The following FHIT variants were observed in gnomAD, a reference collection of about 807,000 sequenced individuals.
FHIT encodes the protein fragile histidine triad diadenosine triphosphatase.
In FHIT, 19 loss-of-function variants were observed where a neutral mutation model predicts 17.9. The observed-to-expected ratio is 1.06, with a 90% confidence interval of 0.74 to 1.56. The LOEUF is 1.56. Among genes scored for constraint, FHIT ranks in the 40% most tolerant of loss-of-function variants. The pLI, the probability that FHIT is intolerant of heterozygous loss-of-function variation, is 0.00. For synonymous variants in FHIT, 81 were observed against 69.7 expected (o/e 1.16, Z -0.81); for missense variants, 248 against 189.2 (o/e 1.31, Z -1.82).
At chr3:60,795,318 T>A (rs1246371651) in intron 4 of FHIT, among the ~76,000 whole-genome samples, 2 of 152,240 alleles carry the variant, frequency 1.3e-5, no homozygotes, top group Non-Finnish European at 2.9e-5. Flanking sequence ...CTTTTTAAGA[T>A]CTTTGATAAC....
intron 5 of FHIT, among the ~76,000 whole-genome samples, chr3:60,520,518 A>G (rs1038932156): frequency 3.9e-5 from 6 of 152,212 alleles, no homozygotes; most frequent in African/African-American, 1.2e-4. Context: ...TCTCGTCTAG[A>G]GAGCATGTCA....
At chr3:60,221,073 C>T (rs1450818633) in intron 5 of FHIT, among the ~76,000 whole-genome samples, 1 of 152,118 alleles carries the variant, frequency 6.6e-6, no homozygotes, top group Non-Finnish European at 1.5e-5. Context: ...AAGCATTTAG[C>T]TAGTCTCATT....
chr3:61,070,502 C>T (rs529299575), intron 2 of FHIT, among the ~76,000 whole-genome samples: 1 of 152,170 alleles, frequency 6.6e-6, no homozygotes. Context: ...TGGAAATTTG[C>T]AGATCTTGGC....
intron 5 of FHIT, among the ~76,000 whole-genome samples, chr3:60,183,983 ATTAAT>A (rs1485525611): frequency 1.6e-5 from 2 of 128,334 alleles, no homozygotes; most frequent in Admixed American, 1.8e-4. Context: ...TATTATTTAT[ATTAAT>A]TTATTTTTCG....
intron 4 of FHIT, among the ~76,000 whole-genome samples, chr3:60,691,332 AGAAATTATCAAT>A (rs1553699522): frequency 6.6e-6 from 1 of 151,292 alleles, no homozygotes; most frequent in Non-Finnish European, 1.5e-5. Flanking sequence ...TCATTTCAAC[AGAAATTATCAAT>A]TTTTTTCCCC....
chr3:60,941,025 T>A (rs1575726606), intron 3 of FHIT, among the ~76,000 whole-genome samples: 1 of 152,318 alleles, frequency 6.6e-6, no homozygotes, highest in East Asian at 1.9e-4. Flanking sequence ...TTAATTTTAA[T>A]AATATTTTAT....
chr3:60,740,548 A>C (rs1430121559), intron 4 of FHIT, among the ~76,000 whole-genome samples: 8 of 152,220 alleles, frequency 5.3e-5, no homozygotes, highest in Non-Finnish European at 1.2e-4. Flanking sequence ...AGTAAAATAC[A>C]TGTAATATAA....
chr3:60,433,859 C>T (rs2029964149), intron 5 of FHIT, among the ~76,000 whole-genome samples: 1 of 151,808 alleles, frequency 6.6e-6, no homozygotes, highest in Non-Finnish European at 1.5e-5. Flanking sequence ...TTCTCCTATT[C>T]CATAGGTGGC....
chr3:59,753,801 G>C (rs1372441964), intron 8 of FHIT, among the ~76,000 whole-genome samples: 2 of 151,972 alleles, frequency 1.3e-5, no homozygotes, highest in African/African-American at 4.8e-5. Flanking sequence ...TTCATACCCC[G>C]GTCCAAAGAT....
chr3:60,305,502 T>C (rs1363119663), intron 5 of FHIT, among the ~76,000 whole-genome samples: 1 of 152,136 alleles, frequency 6.6e-6, no homozygotes, highest in Non-Finnish European at 1.5e-5. Context: ...TAATATCTAC[T>C]CTCGGCTGTT....
chr3:61,132,507 A>G (rs1342890615), intron 2 of FHIT, among the ~76,000 whole-genome samples: 1 of 152,232 alleles, frequency 6.6e-6, no homozygotes, highest in Non-Finnish European at 1.5e-5. Flanking sequence ...GAGCTCTATG[A>G]GAGAAACATA....
chr3:60,298,356 G>A (rs1013704095), intron 5 of FHIT, among the ~76,000 whole-genome samples: 1 of 151,838 alleles, frequency 6.6e-6, no homozygotes, highest in African/African-American at 2.4e-5. Context: ...GCTATCTAGG[G>A]GCCCCAGCCA....
chr3:59,943,865 C>A (rs1231584781), intron 7 of FHIT, among the ~76,000 whole-genome samples: 1 of 152,198 alleles, frequency 6.6e-6, no homozygotes, highest in Non-Finnish European at 1.5e-5. Flanking sequence ...CCTCATCACA[C>A]CACTGACTGC....
chr3:60,744,852 A>G (rs1553714940), intron 4 of FHIT, among the ~76,000 whole-genome samples: 1 of 152,204 alleles, frequency 6.6e-6, no homozygotes, highest in African/African-American at 2.4e-5. Flanking sequence ...TATTTGGCCA[A>G]TCATGTAATC....
intron 5 of FHIT, among the ~76,000 whole-genome samples, chr3:60,506,234 T>C (rs1428651846): frequency 2.0e-5 from 3 of 152,194 alleles, no homozygotes; most frequent in Non-Finnish European, 4.4e-5. Flanking sequence ...ATGGTTGATG[T>C]CTATTTTTCA....
chr3:60,860,718 TCAG>T (rs1559780098), intron 3 of FHIT, among the ~76,000 whole-genome samples: 1 of 108,912 alleles, frequency 9.2e-6, no homozygotes, highest in Non-Finnish European at 2.0e-5. Context: ...TACATATATA[TCAG>T]GTATATATGT....
intron 5 of FHIT, among the ~76,000 whole-genome samples, chr3:60,138,538 A>G (rs1699909661): frequency 6.6e-6 from 1 of 152,156 alleles, no homozygotes; most frequent in South Asian, 2.1e-4. Flanking sequence ...AGCAAGTTCC[A>G]CATGCTATGC....
At chr3:60,399,940 C>G (rs1430950753) in intron 5 of FHIT, among the ~76,000 whole-genome samples, 1 of 152,142 alleles carries the variant, frequency 6.6e-6, no homozygotes, top group Non-Finnish European at 1.5e-5. Flanking sequence ...CTTCTGAATT[C>G]AGAGTATCCT....
In FHIT at chr3:60,816,921, G is replaced by C. The variant is rs552888095; in HGVS notation, c.-18+4998C>G. On this transcript the variant is annotated intron_variant, in intron 4 of 9. Coordinates refer to ENST00000492590, the MANE Select transcript of FHIT (RefSeq NM_002012.4). ...GATATGGTTGCATTTAGAGCTGCAA[G>C]TTTATTATATGTTTTCTGTTTGCTC... is the stretch of plus-strand genomic sequence containing the variant. Among the ~76,000 whole-genome samples, 6 of 152,046 alleles carry C rather than the reference G, an allele frequency of 3.9e-5. No individual in the cohort carries two copies. The South Asian group carries it at 1.2e-3, about 32-fold the overall frequency.
Sources: gnomAD v4.1 joint callset for allele counts (sites outside exome capture counted in the v4.1 genomes callset) on GRCh38, gnomAD v4.1.1 for gene constraint, MANE v1.5 for transcripts, NCBI Gene and HGNC (gene_info 2026-07-23, HGNC 2026-07-21) for gene names.